Variants in RARS2 observed in about 807,000 individuals in gnomAD.
The protein encoded by RARS2 is arginyl-tRNA synthetase 2, mitochondrial, also known as probable arginine--tRNA ligase, mitochondrial.
A neutral mutation model predicts 88.5 loss-of-function variants in RARS2; 67 were observed. The observed-to-expected ratio is 0.76, with a 90% CI of 0.62 to 0.93. The LOEUF is 0.93. RARS2 is among the 40% of genes least tolerant of loss of function. The probability of loss-of-function intolerance (pLI) is 0.00; values close to 1 mark genes in which losing one functional copy is unlikely to be tolerated. For missense variants in RARS2, 664 were observed against 684.2 expected (o/e 0.97, Z 0.33); for synonymous variants, 239 against 230.3 (o/e 1.04, Z -0.34).
At chr6:87,521,428 G>T (rs753699600) in intron 12 of RARS2, 36 bp downstream of exon 12, 2 of 1,485,590 alleles carry the variant, frequency 1.3e-6, no homozygotes, top group Admixed American at 1.7e-5. Flanking sequence ...GTTTTCATGA[G>T]TTAAGAGATC....
chr6:87,526,748 G>A (rs1582358227), intron 10 of RARS2, among the ~76,000 whole-genome samples: 1 of 149,826 alleles, frequency 6.7e-6, no homozygotes, highest in South Asian at 2.1e-4. Flanking sequence ...GTGGCTCACC[G>A]CAACCTCTGC....
intron 5 of RARS2, among the ~76,000 whole-genome samples, chr6:87,552,597 A>G (rs1784703909): frequency 6.6e-6 from 1 of 152,240 alleles, no homozygotes; most frequent in Admixed American, 6.5e-5. Flanking sequence ...TACAACTCAC[A>G]TAGAACAGGT....
chr6:87,543,659 C>A (rs917833218), intron 7 of RARS2, among the ~76,000 whole-genome samples: 2 of 151,224 alleles, frequency 1.3e-5, no homozygotes, highest in Non-Finnish European at 3.0e-5. Flanking sequence ...AAAAAAAAAA[C>A]AATTTATTTC....
intron 1 of RARS2, among the ~76,000 whole-genome samples, chr6:87,584,041 G>A (rs999072151): frequency 6.6e-6 from 1 of 152,100 alleles, no homozygotes; most frequent in African/African-American, 2.4e-5. Flanking sequence ...CCTTTGTTCT[G>A]GACTATCTTT....
intron 7 of RARS2, among the ~76,000 whole-genome samples, chr6:87,545,068 T>A (rs1009401844): frequency 3.3e-5 from 5 of 151,840 alleles, no homozygotes; most frequent in African/African-American, 1.2e-4. Flanking sequence ...TTTCTCTTTA[T>A]TAAAACCACA....
Position 87,566,616 on chromosome 6 carries a change from A to G in RARS2, c.111-2384T>C, listed in dbSNP as rs527260124. ...TAATTCTAGTGTGGGAGGCTGAGGT[A>G]GGAGAATTGCTTGAGCTGAGGAGTT... is the stretch of plus-strand genomic sequence containing the variant. On this transcript the variant is annotated intron_variant, in intron 2 of 19. Coordinates refer to ENST00000369536, the MANE Select transcript of RARS2 (RefSeq NM_020320.5). Among the ~76,000 whole-genome samples, 720 of 152,102 alleles carry G rather than the reference A, an allele frequency of 4.7e-3. 2 individuals are homozygous for G. The highest frequency in any genetic ancestry group is 8.1e-3 in the Non-Finnish European group (553 of 67,976).
chr6:87,549,478 G>A (rs1412534725), intron 5 of RARS2, among the ~76,000 whole-genome samples: 1 of 151,748 alleles, frequency 6.6e-6, no homozygotes, highest in African/African-American at 2.4e-5. Flanking sequence ...TTGGGCCCAG[G>A]AGCTCAAAGT....
At chr6:87,559,462 T>TC (rs200534221) in intron 4 of RARS2, among the ~76,000 whole-genome samples, 749 of 37,572 alleles carry the variant, frequency 0.02, 34 homozygotes, top group Middle Eastern at 0.062. Context: ...AAACTCTGTC[T>TC]CAAAAAAAAA....
At position 87,562,929 on chromosome 6, in the gene RARS2, C is replaced by G. The variant is rs1788302655; in HGVS notation, c.214-144G>C. On this transcript the variant is annotated intron_variant, in intron 3 of 19. Transcript: ENST00000369536. Reference sequence around the variant, plus strand: ...TATCGGGTCCCAGTTCTCAGGCAATCTCTTTAGTTCCATACTTCTATTTAA... The same window carrying G: ...TATCGGGTCCCAGTTCTCAGGCAATGTCTTTAGTTCCATACTTCTATTTAA... 8 of 685,500 alleles carry G rather than the reference C, an allele frequency of 1.2e-5. No individual in the cohort carries two copies. In the South Asian group the frequency reaches 1.3e-4, roughly 11 times the overall value. 42.5% of individuals were successfully genotyped at this position (685,500 alleles called of 1,614,324 possible). A position where few individuals can be genotyped will look rare whatever the true frequency, so the allele number is the denominator to read the frequency against.
intron 1 of RARS2, among the ~76,000 whole-genome samples, chr6:87,578,031 C>T (rs145524659): frequency 1.9e-3 from 283 of 151,902 alleles, no homozygotes; most frequent in Non-Finnish European, 3.0e-3. Flanking sequence ...GCCTGTAATC[C>T]GAATACTTTG....
intron 7 of RARS2, 86 bp downstream of exon 7, chr6:87,545,530 G>A (rs1782357782): frequency 1.0e-5 from 16 of 1,568,352 alleles, no homozygotes; most frequent in Non-Finnish European, 1.4e-5. Context: ...CATCCAATGG[G>A]ATTCTGCCTA....
chr6:87,541,746 C>G (rs1781035372), intron 8 of RARS2, among the ~76,000 whole-genome samples, 172 bp downstream of exon 8: 3 of 152,156 alleles, frequency 2.0e-5, no homozygotes, highest in African/African-American at 4.8e-5. Context: ...ATTGCTTGAA[C>G]CCAGGAGGCA....
chr6:87,579,722 T>TG, intron 1 of RARS2, among the ~76,000 whole-genome samples: 1 of 112,226 alleles, frequency 8.9e-6, no homozygotes, highest in African/African-American at 3.4e-5. Flanking sequence ...CATGTTTTTT[T>TG]TTTTTTTTTT....
chr6:87,529,471 A>G (rs886670267), intron 10 of RARS2, 71 bp downstream of exon 10: 2 of 991,124 alleles, frequency 2.0e-6, no homozygotes, highest in African/African-American at 3.2e-5. Flanking sequence ...TGTTGTCCTT[A>G]CTCAAAGGAT....
chr6:87,582,773 T>A (rs1280675981), intron 1 of RARS2, among the ~76,000 whole-genome samples: 1 of 152,244 alleles, frequency 6.6e-6, no homozygotes, highest in Admixed American at 6.5e-5. Flanking sequence ...ACAACTAGTT[T>A]AATTGCTTCT....
At chr6:87,569,822 G>A (rs1169680721) in intron 1 of RARS2, among the ~76,000 whole-genome samples, 1 of 151,772 alleles carries the variant, frequency 6.6e-6, no homozygotes, top group African/African-American at 2.4e-5. Flanking sequence ...GTTGCCAAGG[G>A]TTAAGGGGAG....
At chr6:87,527,700 T>C (rs1361856800) in intron 10 of RARS2, among the ~76,000 whole-genome samples, 1 of 151,550 alleles carries the variant, frequency 6.6e-6, no homozygotes, top group African/African-American at 2.4e-5. Flanking sequence ...CTCAACTCAA[T>C]GGAAAAACAA....
At chr6:87,525,116 T>C (rs758044331) in intron 10 of RARS2, among the ~76,000 whole-genome samples, 2 of 152,200 alleles carry the variant, frequency 1.3e-5, no homozygotes, top group African/African-American at 4.8e-5. Context: ...ATCTAAAAAT[T>C]TTCCTTAAGG....
At chr6:87,573,552 T>C (rs1423326577) in intron 1 of RARS2, among the ~76,000 whole-genome samples, 1 of 152,196 alleles carries the variant, frequency 6.6e-6, no homozygotes, top group Non-Finnish European at 1.5e-5. Flanking sequence ...GAGTTTTAGT[T>C]GTGCAAGATG....
Sources: gnomAD v4.1 joint callset for allele counts (sites outside exome capture counted in the v4.1 genomes callset) on GRCh38, gnomAD v4.1.1 for gene constraint, MANE v1.5 for transcripts, NCBI Gene and HGNC (gene_info 2026-07-23, HGNC 2026-07-21) for gene names.